MCF2L: variants seen among roughly 807,000 people sequenced by gnomAD.
MCF2L encodes the protein MCF.2 cell line derived transforming sequence like, also known as guanine nucleotide exchange factor DBS.
A neutral mutation model predicts 153.4 loss-of-function variants in MCF2L; 97 were observed. That is an observed-to-expected ratio of 0.63 (90% CI 0.54 to 0.75). The LOEUF (loss-of-function observed/expected upper bound fraction) is 0.75. Ranked by LOEUF, MCF2L falls within the 30% of genes least tolerant of loss-of-function variation. The pLI is 0.00. For synonymous variants in MCF2L, 659 were observed against 632.2 expected, an observed-to-expected ratio of 1.04 and a Z score of -0.64; for missense variants, 1,347 against 1,495.2, an observed-to-expected ratio of 0.90 and a Z score of 1.64.
intron 2 of MCF2L, among the ~76,000 whole-genome samples, chr13:112,928,347 T>C (rs1245432481): frequency 6.6e-6 from 1 of 152,250 alleles, no homozygotes; most frequent in Admixed American, 6.5e-5. Context: ...CCCTACCTGC[T>C]TGATTCCTCA....
intron 3 of MCF2L, among the ~76,000 whole-genome samples, chr13:113,026,178 G>C (rs1055035329): frequency 4.0e-5 from 6 of 151,400 alleles, no homozygotes; most frequent in Non-Finnish European, 5.9e-5. Flanking sequence ...CACCATGGTG[G>C]GGTCCCCGTG....
At chr13:113,001,083 G>A (rs1243960286) in intron 1 of MCF2L, among the ~76,000 whole-genome samples, 2 of 152,190 alleles carry the variant, frequency 1.3e-5, no homozygotes, top group Admixed American at 6.5e-5. Flanking sequence ...GAGTTTGAAC[G>A]AGCTCTCTGT....
chr13:113,084,132 T>G, intron 18 of MCF2L, 65 bp downstream of exon 18: 1 of 1,298,366 alleles, frequency 7.7e-7, no homozygotes, highest in Non-Finnish European at 1.1e-6. Context: ...TGACTTCAGA[T>G]TCTACTGCAA....
At position 113,074,521 on chromosome 13, in the gene MCF2L, G is replaced by T; in HGVS notation, c.1074G>T (p.Glu358Asp). ...TCGGCAACAGCCTGGCGCATGTGGA[G>T]CACCTGCTGAGGGACCTGGCCAGCT... ...TDIGNSLAHV[E>D]HLLRDLASFE... The change falls in exon 10 of 30, where the codon GAG becomes GAT. Residue 358 changes from glutamate to aspartate, a missense_variant. Transcript: ENST00000535094. This position sits in a 1 kb window ranked among gnomAD's most constrained non-coding sequence, Gnocchi z 4.2. 2 of 1,614,088 alleles carry T rather than the reference G, an allele frequency of 1.2e-6. No individual in the cohort carries two copies. Among genetic ancestry groups the T allele is most frequent in the Non-Finnish European group, 8.5e-7 (1 of 1,180,024 alleles).
intron 2 of MCF2L, among the ~76,000 whole-genome samples, chr13:113,018,565 G>A (rs898942706): frequency 3.3e-5 from 5 of 152,184 alleles, no homozygotes; most frequent in Admixed American, 1.3e-4. Flanking sequence ...AGGCAATGGC[G>A]CGTCCCCTGG....
At chr13:113,030,563 CCTCGGGTGTCCGCCGACGCA>C (rs2085618220) in intron 3 of MCF2L, among the ~76,000 whole-genome samples, 1 of 148,516 alleles carries the variant, frequency 6.7e-6, no homozygotes, top group African/African-American at 2.5e-5. Flanking sequence ...AGATGTGGGC[CCTCGGGTGTCCGCCGACGCA>C]GGTGTGGACT....
Position 113,096,879 on chromosome 13 carries a change from A to T in MCF2L, c.*20A>T. 7.2e-7 allele frequency: 1 copy of T among 1,379,454 alleles called. No individual in the cohort carries two copies. The highest frequency in any genetic ancestry group is 1.6e-5 in the South Asian group (1 of 61,668). The allele number at this position is 1,379,454 out of a possible 1,614,324, so 85.5% of individuals were successfully genotyped here. A position where few individuals can be genotyped will look rare whatever the true frequency, so the allele number is the denominator to read the frequency against. On this transcript the variant is annotated 3_prime_UTR_variant, in exon 30 of 30. Transcript: ENST00000535094. ...GGGTAGCGCGGCCTCGGCGCCGGAGACCCGCGCGCTGTCTGGGGCTGCGGT... is the reference window on the plus strand; with the variant it reads ...GGGTAGCGCGGCCTCGGCGCCGGAGTCCCGCGCGCTGTCTGGGGCTGCGGT...
At chr13:113,029,546 C>A (rs530252579) in intron 3 of MCF2L, among the ~76,000 whole-genome samples, 32 of 152,308 alleles carry the variant, frequency 2.1e-4, no homozygotes, top group African/African-American at 7.2e-4. Flanking sequence ...GCATCCCTGG[C>A]GAGCAAAATT....
At chr13:113,088,892 A>G (rs1379163797) in intron 25 of MCF2L, among the ~76,000 whole-genome samples, 2 of 152,224 alleles carry the variant, frequency 1.3e-5, no homozygotes, top group Non-Finnish European at 2.9e-5. Context: ...GCCTGTCCAG[A>G]TCACAGCCAC....
intron 1 of MCF2L, among the ~76,000 whole-genome samples, chr13:113,006,576 G>A (rs1594607182): frequency 6.6e-6 from 1 of 152,338 alleles, no homozygotes; most frequent in South Asian, 2.1e-4. Flanking sequence ...TGAGGGCTCA[G>A]CTGCCTCTGA....
upstream of MCF2L, among the ~76,000 whole-genome samples, chr13:112,966,301 G>A (rs1286707243): frequency 6.6e-6 from 1 of 152,240 alleles, no homozygotes; most frequent in Non-Finnish European, 1.5e-5. The surrounding 1 kb of genome is among the most constrained non-coding windows in gnomAD (Gnocchi z 4.1). Flanking sequence ...GAAATTGTGG[G>A]TGTTGGAAGG....
chr13:112,968,787 G>A, upstream of MCF2L: 1 of 1,346,606 alleles, frequency 7.4e-7, no homozygotes, highest in Non-Finnish European at 9.5e-7. Context: ...GCGGCTTCGC[G>A]GCTGCCCGCA....
chr13:112,982,576 C>A (rs1376696892), intron 1 of MCF2L, among the ~76,000 whole-genome samples: 1 of 152,154 alleles, frequency 6.6e-6, no homozygotes, highest in Admixed American at 6.5e-5. Context: ...CGGAAGGCTG[C>A]TGAGCCCTCA....
chr13:113,000,079 G>A (rs1316757098), intron 1 of MCF2L, among the ~76,000 whole-genome samples: 1 of 152,202 alleles, frequency 6.6e-6, no homozygotes, highest in South Asian at 2.1e-4. Context: ...CCGTGGTGAC[G>A]GCGTGAGGGG....
chr13:113,076,960 T>TG, intron 12 of MCF2L, 92 bp from the exon 13 acceptor site: 1 of 1,375,198 alleles, frequency 7.3e-7, no homozygotes. Context: ...AAGCGGGGGT[T>TG]GGGCGTGCCC....
At chr13:113,047,863 C>T (rs57346140) in intron 4 of MCF2L, among the ~76,000 whole-genome samples, 8,355 of 151,936 alleles carry the variant, frequency 0.055, 747 homozygotes, top group African/African-American at 0.19. Flanking sequence ...CGCCTCACTA[C>T]GCGTGCCCCA....
intron 11 of MCF2L, among the ~76,000 whole-genome samples, chr13:113,075,713 G>A (rs556233414): frequency 2.6e-5 from 4 of 152,254 alleles, no homozygotes; most frequent in South Asian, 4.1e-4. Context: ...TCCAGGCCCC[G>A]CCCTGGGTAA....
chr13:112,898,733 T>TC (rs958015866), intron 1 of MCF2L, among the ~76,000 whole-genome samples: 5 of 151,954 alleles, frequency 3.3e-5, no homozygotes, highest in African/African-American at 1.2e-4. Flanking sequence ...AGTCCCTGAG[T>TC]CCCCAGCTGC....
rs1422800113 is a variant in MCF2L at position 113,007,922 on chromosome 13, T to C, written c.80-6841T>C. ...ATGTGTATCTTTTCTTTTTCTTTTT[T>C]TTTTTTTTTTTTGAGATGGAGTCTC... On this transcript the variant is annotated intron_variant, in intron 1 of 29. Transcript: ENST00000535094. 9.4e-5 allele frequency among the ~76,000 whole-genome samples: 14 copies of C among 149,542 alleles called. No homozygotes were observed. In the South Asian group the frequency reaches 2.6e-3, roughly 27 times the overall value.
Sources: allele counts gnomAD v4.1 joint callset (sites outside exome capture counted in the v4.1 genomes callset), GRCh38; gene constraint gnomAD v4.1.1; non-coding constraint Gnocchi (gnomAD v3.1); transcripts MANE v1.5; gene names NCBI Gene and HGNC (gene_info 2026-07-23, HGNC 2026-07-21).